CYP2C19: variants seen among roughly 807,000 people sequenced by gnomAD.
CYP2C19 encodes cytochrome P450 family 2 subfamily C member 19.
CYP2C19 carries 59 observed loss-of-function variants against 40.9 expected under a neutral mutation model. The observed-to-expected ratio is 1.44, with a 90% CI of 1.17 to 1.79. The LOEUF is 1.79. CYP2C19 is among the 40% of genes most tolerant of loss of function. The pLI is 0.00. For synonymous variants in CYP2C19, 253 were observed against 208.7 expected, an observed-to-expected ratio of 1.21 and a Z score of -1.83; for missense variants, 754 against 596.9, an observed-to-expected ratio of 1.26 and a Z score of -2.74.
At chr10:94,796,418 T>C (rs1848688691) in intron 5 of CYP2C19, among the ~76,000 whole-genome samples, 1 of 152,188 alleles carries the variant, frequency 6.6e-6, no homozygotes, top group Non-Finnish European at 1.5e-5. Context: ...TAGTTGGAAG[T>C]GAGGTAGCAT....
chr10:94,818,100 C>G (rs375894107), intron 5 of CYP2C19, among the ~76,000 whole-genome samples: 2 of 147,546 alleles, frequency 1.4e-5, no homozygotes, highest in Admixed American at 6.8e-5. Flanking sequence ...TTTCAGCTTT[C>G]TACATATGGC....
At chr10:94,847,509 G>A (rs559300268) in intron 7 of CYP2C19, among the ~76,000 whole-genome samples, 6 of 152,240 alleles carry the variant, frequency 3.9e-5, no homozygotes, top group Admixed American at 2.6e-4. Flanking sequence ...CCAAGTCGTT[G>A]CTATTGTGAG....
chr10:94,837,485 T>C (rs2134282662), intron 6 of CYP2C19, among the ~76,000 whole-genome samples: 1 of 152,270 alleles, frequency 6.6e-6, no homozygotes, highest in Non-Finnish European at 1.5e-5. Flanking sequence ...TTCAGGTGTA[T>C]AATGGCCCCT....
At chr10:94,762,920 T>A in intron 1 of CYP2C19, 47 bp downstream of exon 1, 1 of 1,546,292 alleles carries the variant, frequency 6.5e-7, no homozygotes, top group South Asian at 1.1e-5. Context: ...TAAATTCACC[T>A]GTATTTTTTA....
chr10:94,841,511 G>A (rs189829822), intron 6 of CYP2C19, among the ~76,000 whole-genome samples: 1 of 152,292 alleles, frequency 6.6e-6, no homozygotes, highest in East Asian at 1.9e-4. Context: ...TACAAAGGGA[G>A]GGGACCCAAA....
chr10:94,837,342 G>T (rs1211922290), intron 6 of CYP2C19, among the ~76,000 whole-genome samples: 2 of 152,104 alleles, frequency 1.3e-5, no homozygotes, highest in Non-Finnish European at 1.5e-5. Flanking sequence ...AGGGAAAGGA[G>T]GTGGAGTCCT....
At chr10:94,773,406 A>G (rs1244181796) in intron 1 of CYP2C19, among the ~76,000 whole-genome samples, 2 of 152,170 alleles carry the variant, frequency 1.3e-5, no homozygotes, top group Non-Finnish European at 2.9e-5. Context: ...TGCTGACTTC[A>G]AGGGTGAAGC....
intron 6 of CYP2C19, among the ~76,000 whole-genome samples, chr10:94,835,060 T>C (rs960883563): frequency 6.6e-5 from 10 of 152,140 alleles, no homozygotes; most frequent in African/African-American, 2.4e-4. Context: ...AGCAGGCTGG[T>C]CCAAGGGTCT....
At chr10:94,804,644 G>A (rs561100018) in intron 5 of CYP2C19, among the ~76,000 whole-genome samples, 2 of 152,258 alleles carry the variant, frequency 1.3e-5, no homozygotes, top group East Asian at 1.9e-4. Flanking sequence ...AGGGTGAGTA[G>A]CCAGGGGAGG....
intron 1 of CYP2C19, among the ~76,000 whole-genome samples, chr10:94,763,814 G>A (rs373744480): frequency 2.0e-5 from 3 of 151,990 alleles, no homozygotes; most frequent in Non-Finnish European, 4.4e-5. Context: ...TCTTGGTCTC[G>A]CTGACTTCAA....
intron 6 of CYP2C19, among the ~76,000 whole-genome samples, chr10:94,835,957 T>C (rs530818758): frequency 2.1e-4 from 32 of 152,184 alleles, no homozygotes; most frequent in Non-Finnish European, 3.8e-4. Context: ...AGTGTACAAG[T>C]TGAAGTCAGG....
At chr10:94,811,004 T>G (rs1848914639) in intron 5 of CYP2C19, among the ~76,000 whole-genome samples, 1 of 152,198 alleles carries the variant, frequency 6.6e-6, no homozygotes, top group South Asian at 2.1e-4. Context: ...TTTCCTGCTT[T>G]CTCCTCTGGA....
At position 94,781,871 on chromosome 10, in the gene CYP2C19, C is replaced by G. The variant is rs770126483; in HGVS notation, c.693C>G (p.Asn231Lys). Residue 231 changes from asparagine to lysine, a missense_variant, in exon 5 of 9, where the codon AAC (asparagine) becomes AAG (lysine). Asn to Lys is a moderately conservative substitution (Grantham distance 94, BLOSUM62 0). Transcript: ENST00000371321. ...TIIDYFPGTHNKLLKNLAFME... is the reference protein window; with the variant it reads ...TIIDYFPGTHKKLLKNLAFME... ...TTGATTATTTCCCGGGAACCCATAA[C>G]AAATTACTTAAAAACCTTGCTTTTA... 13 of 1,489,698 alleles carry G rather than the reference C, an allele frequency of 8.7e-6. No individual in the cohort carries two copies. The South Asian group carries it at 1.5e-4, about 17-fold the overall frequency. The allele number at this position is 1,489,698 out of a possible 1,614,324, so 92.3% of individuals were successfully genotyped here.
chr10:94,771,339 G>A (rs1848327974), intron 1 of CYP2C19, among the ~76,000 whole-genome samples: 1 of 152,128 alleles, frequency 6.6e-6, no homozygotes, highest in Admixed American at 6.5e-5. Context: ...ACGGGGGTAA[G>A]CTGAAAAGTC....
Position 94,762,870 on chromosome 10 carries a change from C to G in CYP2C19, c.165C>G (p.Thr55=). The part of the protein sequence containing the change: ...IDIKDVSKSL[T]NLSKIYGPVF... The stretch of plus-strand genomic sequence containing the variant: ...TTAAGGATGTCAGCAAATCCTTAAC[C>G]AATGTAAGTATGCTCCTTCAGTGGC... Residue 55 remains threonine (T), a synonymous_variant, in exon 1 of 9, where the codon ACC becomes ACG. Transcript: ENST00000371321. The G allele has an allele frequency of 6.2e-7, 1 of 1,612,972 alleles. No homozygotes were observed. The highest frequency in any genetic ancestry group is 8.5e-7 in the Non-Finnish European group (1 of 1,179,136).
chr10:94,854,781 C>T lies in CYP2C19; in HGVS notation c.*1867C>T, dbSNP rs1849707460. On this transcript the variant is annotated 3_prime_UTR_variant, in exon 9 of 9. Transcript: ENST00000371321. ...GTATTAAAACTTGCTATTTTCCTACCAAGTAATATGCCAGCAAAACCTCTA... is the reference window on the plus strand; with the variant it reads ...GTATTAAAACTTGCTATTTTCCTACTAAGTAATATGCCAGCAAAACCTCTA... 6.6e-6 allele frequency among the ~76,000 whole-genome samples: 1 copy of T among 151,920 alleles called. No individual in the cohort carries two copies. Among genetic ancestry groups the T allele is most frequent in the Non-Finnish European group, 1.5e-5 (1 of 68,016 alleles).
At position 94,853,473 on chromosome 10, in the gene CYP2C19, T is replaced by A. The variant is rs1849685559; in HGVS notation, c.*559T>A. 6.6e-6 allele frequency among the ~76,000 whole-genome samples: 1 copy of A among 151,822 alleles called. No homozygotes were observed. The highest frequency in any genetic ancestry group is 2.1e-4 in the South Asian group (1 of 4,802). ...GTGAGAAACTGTGTCCAGGAGCAGC[T>A]CCAACCTCTAGGGAAATATTCAGAG... On this transcript the variant is annotated 3_prime_UTR_variant, in exon 9 of 9. Transcript: ENST00000371321.
In CYP2C19 at chr10:94,832,132, T is replaced by C. The variant is rs189761199; in HGVS notation, c.962-10705T>C. On this transcript the variant is annotated intron_variant, in intron 6 of 8. Coordinates refer to ENST00000371321, the MANE Select transcript of CYP2C19 (RefSeq NM_000769.4). ...CATCCCTCTGTGTAGGATATTAAAT[T>C]TTCCCAGCACAATCTATTGATGAGA... Among the ~76,000 whole-genome samples the C allele has an allele frequency of 3.3e-5, 5 of 152,330 alleles. No homozygotes were observed. In the East Asian group the frequency reaches 9.6e-4, roughly 29 times the overall value.
chr10:94,795,307 T>C (rs1283741726), intron 5 of CYP2C19, among the ~76,000 whole-genome samples: 1 of 151,918 alleles, frequency 6.6e-6, no homozygotes, highest in East Asian at 1.9e-4. Flanking sequence ...TCCAGCTTCA[T>C]CCATGTCCCT....
Sources: gnomAD v4.1 joint callset for allele counts (sites outside exome capture counted in the v4.1 genomes callset) on GRCh38, gnomAD v4.1.1 for gene constraint, MANE v1.5 for transcripts, NCBI Gene and HGNC (gene_info 2026-07-23, HGNC 2026-07-21) for gene names.